Variants in GALNT13 observed in about 807,000 individuals in gnomAD.
The protein encoded by GALNT13 is UDP-GalNAc:polypeptide N-acetylgalactosaminyltransferase 13.
In GALNT13, 28 loss-of-function variants were observed where a neutral mutation model predicts 64.2. The observed-to-expected ratio is 0.44, with a 90% CI of 0.32 to 0.60. The LOEUF (loss-of-function observed/expected upper bound fraction) is 0.60, where lower values mean the gene tolerates loss of function less well. Ranked by LOEUF, GALNT13 falls within the 20% of genes least tolerant of loss-of-function variation. The pLI is 0.05. For missense variants in GALNT13, 577 were observed against 669.8 expected (o/e 0.86, Z 1.53); for synonymous variants, 214 against 224.6 (o/e 0.95, Z 0.42).
At chr2:154,277,228 CTAT>C (rs1009136481) in intron 8 of GALNT13, among the ~76,000 whole-genome samples, 46 of 152,200 alleles carry the variant, frequency 3.0e-4, no homozygotes, top group African/African-American at 1.1e-3. Context: ...CAAATTGAGC[CTAT>C]TATTTTTATA....
the GALNT13 span, among the ~76,000 whole-genome samples, chr2:153,257,718 C>T: frequency 6.6e-6 from 1 of 152,076 alleles, no homozygotes. Context: ...TTTCCTTTGA[C>T]CTGCTTTCTC....
the GALNT13 span, among the ~76,000 whole-genome samples, chr2:153,845,398 G>C: frequency 6.6e-6 from 1 of 152,160 alleles, no homozygotes; most frequent in Non-Finnish European, 1.5e-5. Flanking sequence ...GCAGGAGCAA[G>C]AGAGAGAAAG....
chr2:153,971,713 T>G (rs1693754861), intron 3 of GALNT13, among the ~76,000 whole-genome samples: 1 of 152,160 alleles, frequency 6.6e-6, no homozygotes, highest in Non-Finnish European at 1.5e-5. Flanking sequence ...TGTAATTTTA[T>G]AGTGCTGATA....
intron 3 of GALNT13, among the ~76,000 whole-genome samples, chr2:154,126,906 G>A (rs1231033885): frequency 6.6e-6 from 1 of 151,904 alleles, no homozygotes; most frequent in Non-Finnish European, 1.5e-5. Flanking sequence ...AAGAAATAGC[G>A]ATATGAGGCA....
chr2:153,886,820 T>C (rs1687210900), intron 1 of GALNT13, among the ~76,000 whole-genome samples: 1 of 152,036 alleles, frequency 6.6e-6, no homozygotes, highest in African/African-American at 2.4e-5. Flanking sequence ...TCTTGGCAAT[T>C]AATTAGGACC....
At chr2:153,300,353 G>T in the GALNT13 span, among the ~76,000 whole-genome samples, 1 of 152,030 alleles carries the variant, frequency 6.6e-6, no homozygotes, top group East Asian at 1.9e-4. Flanking sequence ...TACAGTATAC[G>T]GTAAAGGAAT....
the GALNT13 span, among the ~76,000 whole-genome samples, chr2:153,844,082 A>T: frequency 6.6e-6 from 1 of 152,028 alleles, no homozygotes; most frequent in Admixed American, 6.6e-5. Context: ...TCCCCTTCAT[A>T]CAGCTCCACT....
chr2:153,949,237 C>A (rs1691995700), intron 3 of GALNT13, among the ~76,000 whole-genome samples: 1 of 152,106 alleles, frequency 6.6e-6, no homozygotes, highest in Non-Finnish European at 1.5e-5. Flanking sequence ...CCTAGTGATG[C>A]ACTTCTCAGA....
At chr2:153,815,022 T>C in the GALNT13 span, among the ~76,000 whole-genome samples, 2 of 152,210 alleles carry the variant, frequency 1.3e-5, no homozygotes, top group Admixed American at 1.3e-4. Flanking sequence ...CCTAGTTCTA[T>C]GTGTAAGAGA....
intron 11 of GALNT13, among the ~76,000 whole-genome samples, chr2:154,411,317 T>TACAC (rs59114913): frequency 0.1 from 15,123 of 147,332 alleles, 788 homozygotes; most frequent in Middle Eastern, 0.18. Flanking sequence ...TAATTGCACA[T>TACAC]ACACACACAC....
the GALNT13 span, among the ~76,000 whole-genome samples, chr2:153,719,700 G>A: frequency 2.0e-5 from 3 of 151,980 alleles, no homozygotes; most frequent in Non-Finnish European, 2.9e-5. Flanking sequence ...AAGGGGTGAC[G>A]GACGCACCTG....
At chr2:153,941,904 T>C (rs757931675) in intron 2 of GALNT13, among the ~76,000 whole-genome samples, 39 of 152,200 alleles carry the variant, frequency 2.6e-4, no homozygotes, top group Non-Finnish European at 5.6e-4. Context: ...TCAGTGCTAA[T>C]GTCTTAATAT....
chr2:153,168,406 A>G, the GALNT13 span, among the ~76,000 whole-genome samples: 1 of 152,034 alleles, frequency 6.6e-6, no homozygotes, highest in Admixed American at 6.6e-5. Context: ...TTCCCTCTAG[A>G]TTTATTGAGT....
the GALNT13 span, among the ~76,000 whole-genome samples, chr2:153,700,799 C>G: frequency 6.6e-6 from 1 of 152,084 alleles, no homozygotes; most frequent in Non-Finnish European, 1.5e-5. Context: ...CACGAAGGAC[C>G]TCTTCAAAGA....
At chr2:154,417,417 T>A (rs1251074899) in intron 11 of GALNT13, among the ~76,000 whole-genome samples, 1 of 151,748 alleles carries the variant, frequency 6.6e-6, no homozygotes, top group Non-Finnish European at 1.5e-5. Context: ...TGTAAAAAAT[T>A]GTTATTGTTA....
the GALNT13 span, among the ~76,000 whole-genome samples, chr2:153,598,539 G>A: frequency 2.0e-5 from 3 of 151,838 alleles, no homozygotes; most frequent in Admixed American, 6.6e-5. Flanking sequence ...TTATATGATA[G>A]CTGCATTTCC....
the GALNT13 span, among the ~76,000 whole-genome samples, chr2:153,689,986 T>C: frequency 1.3e-5 from 2 of 152,144 alleles, no homozygotes; most frequent in Non-Finnish European, 2.9e-5. Context: ...TTATCCTCTT[T>C]ACAATTTATG....
chr2:153,489,903 G>A, the GALNT13 span, among the ~76,000 whole-genome samples: 1 of 151,956 alleles, frequency 6.6e-6, no homozygotes, highest in Admixed American at 6.6e-5. Context: ...AGGATTATTA[G>A]AGCCCAGGAG....
In GALNT13 at chr2:154,086,454, ATATAT is replaced by A. The variant is rs1275491039; in HGVS notation, c.143-53879_143-53875del. On this transcript the variant is annotated intron_variant, in intron 3 of 12. Transcript: ENST00000392825. Reference sequence around the variant, plus strand: ...ATGTAAATATATAGAATATATGTAAATATATTATTTATATAAATCTTAAGATATAG... The same window carrying A: ...ATGTAAATATATAGAATATATGTAAATATTTATATAAATCTTAAGATATAG... 3.4e-5 allele frequency among the ~76,000 whole-genome samples: 5 copies of A among 148,702 alleles called. No homozygotes were observed. The South Asian group carries it at 6.2e-4, about 19-fold the overall frequency.
Sources: gnomAD v4.1 joint callset for allele counts (sites outside exome capture counted in the v4.1 genomes callset) on GRCh38, gnomAD v4.1.1 for gene constraint, MANE v1.5 for transcripts, NCBI Gene and HGNC (gene_info 2026-07-23, HGNC 2026-07-21) for gene names.